Variants in CPNE1 observed in about 807,000 individuals in gnomAD.
CPNE1 encodes the protein copine 1.
Under a neutral mutation model 63.2 loss-of-function variants are expected in CPNE1, and 58 were observed. That is an observed-to-expected ratio of 0.92 (90% CI 0.74 to 1.14). The LOEUF is 1.14. Ranked by LOEUF, CPNE1 falls within the 50% of genes most tolerant of loss-of-function variation. The probability of loss-of-function intolerance (pLI) is 0.00; values close to 1 mark genes in which losing one functional copy is unlikely to be tolerated. For missense variants in CPNE1, 672 were observed against 661.7 expected (o/e 1.02, Z -0.17); for synonymous variants, 237 against 249.0 (o/e 0.95, Z 0.45).
chr20:35,634,049 C>A (rs2032336407), intron 1 of CPNE1, among the ~76,000 whole-genome samples: 1 of 150,710 alleles, frequency 6.6e-6, no homozygotes, highest in Non-Finnish European at 1.5e-5. Context: ...ATCACGAGGT[C>A]AGGAGATCGA....
intron 1 of CPNE1, among the ~76,000 whole-genome samples, chr20:35,655,591 T>A (rs1336496789): frequency 1.3e-5 from 2 of 152,010 alleles, no homozygotes; most frequent in African/African-American, 4.8e-5. Context: ...CTCAAAAAGT[T>A]CAAGAAAAAA....
chr20:35,632,380 C>A lies in CPNE1; in HGVS notation c.315G>T (p.Val105=), dbSNP rs753405228. The change falls in exon 4 of 16, where the codon GTG becomes GTT. Residue 105 remains valine, a synonymous_variant. Coordinates refer to ENST00000397443, the MANE Select transcript of CPNE1 (RefSeq NM_152925.3). Reference sequence around the variant, plus strand: ...AGGGGAGAGTCAGTACCTGGCTGGACACAATCTGGGGAAAAGCAGGGAAGG... The same window carrying A: ...AGGGGAGAGTCAGTACCTGGCTGGAAACAATCTGGGGAAAAGCAGGGAAGG... The part of the protein sequence containing the change: ...GGAECSLGQI[V]SSQVLTLPLM... The A allele has an allele frequency of 6.2e-7, 1 of 1,614,028 alleles. No homozygotes were observed. The highest frequency in any genetic ancestry group is 1.1e-5 in the South Asian group (1 of 91,076).
At position 35,630,783 on chromosome 20, in the gene CPNE1, G is replaced by C. The variant is rs773127444; in HGVS notation, c.1008C>G (p.Phe336Leu). ...VVQDYDSDKL[F>L]PAFGFGAQVP... Reference sequence around the variant, plus strand: ...CCTGGGCCCCAAATCCAAATGCAGGGAACAGCTTGTCTCTGTGGGAGGACA... The same window carrying C: ...CCTGGGCCCCAAATCCAAATGCAGGCAACAGCTTGTCTCTGTGGGAGGACA... The change falls in exon 12 of 16, where the codon TTC (phenylalanine) becomes TTG (leucine). Residue 336 changes from phenylalanine (F) to leucine (L), a missense_variant. By Grantham distance (22) the Phe-to-Leu change is conservative. Coordinates refer to ENST00000397443, the MANE Select transcript of CPNE1 (RefSeq NM_152925.3). The C allele has an allele frequency of 1.5e-5, 25 of 1,613,884 alleles. No homozygotes were observed. Among genetic ancestry groups the C allele is most frequent in the Admixed American group, 8.3e-5 (5 of 59,956 alleles).
At chr20:35,636,463 T>TA (rs534958969) in intron 1 of CPNE1, among the ~76,000 whole-genome samples, 281 of 152,316 alleles carry the variant, frequency 1.8e-3, no homozygotes, top group Middle Eastern at 3.4e-3. Flanking sequence ...GAATAGTGGC[T>TA]AAAAAACAAG....
At position 35,652,811 on chromosome 20, in the gene CPNE1, T is replaced by TTGGGCC. The variant is rs781305639; in HGVS notation, c.-1+11943_-1+11948dup. On this transcript the variant is annotated intron_variant, in intron 1 of 15. Coordinates refer to ENST00000397443, the MANE Select transcript of CPNE1 (RefSeq NM_152925.3). ...AAGCCAGGGGGACCACCAATATGGA[T>TTGGGCC]TGGGCCAGGGCCGGGGCCGGGGCCG... 308 of 1,589,976 alleles carry TTGGGCC rather than the reference T, an allele frequency of 1.9e-4. 1 individual carries two copies. The East Asian group carries it at 4.0e-3, about 21-fold the overall frequency.
At chr20:35,631,396 A>T in intron 8 of CPNE1, 42 bp from the exon 9 acceptor site, 1 of 1,609,094 alleles carries the variant, frequency 6.2e-7, no homozygotes, top group African/African-American at 1.3e-5. Flanking sequence ...TTCTCAGAGC[A>T]TCAGTCAAGG....
intron 1 of CPNE1, among the ~76,000 whole-genome samples, chr20:35,633,833 C>A (rs1321435893): frequency 6.6e-6 from 1 of 151,710 alleles, no homozygotes; most frequent in Non-Finnish European, 1.5e-5. Context: ...TTGGCGTGTG[C>A]CTATAATCCT....
rs1472769046 is a variant in CPNE1, at chr20:35,653,739, C to T, written c.-1+11021G>A. On this transcript the variant is annotated intron_variant, in intron 1 of 15. Transcript: ENST00000397443. ...CCTCTGGATTTAGTATCATTTCCCT[C>T]TGGTCATAGCTGAAGTTCTGCAGTC... 3 of 1,614,074 alleles carry T rather than the reference C, an allele frequency of 1.9e-6. No individual in the cohort carries two copies. In the African/African-American group the frequency reaches 4.0e-5, roughly 22 times the overall value.
intron 1 of CPNE1, among the ~76,000 whole-genome samples, chr20:35,640,409 C>A (rs1455263132): frequency 6.6e-6 from 1 of 152,036 alleles, no homozygotes; most frequent in Non-Finnish European, 1.5e-5. Context: ...TTTTTAGGAC[C>A]AAAATCTTCC....
At chr20:35,633,919 A>G (rs2146291608) in intron 1 of CPNE1, among the ~76,000 whole-genome samples, 1 of 125,870 alleles carries the variant, frequency 7.9e-6, no homozygotes, top group South Asian at 2.7e-4. Flanking sequence ...AGACTGTGCC[A>G]CTGTACTCCA....
chr20:35,664,398 G>A (rs1042786129), intron 1 of CPNE1: 2 of 152,270 alleles, frequency 1.3e-5, no homozygotes, highest in Non-Finnish European at 2.9e-5. Context: ...CTGCTTCACT[G>A]GGGGAGACAA....
intron 1 of CPNE1, among the ~76,000 whole-genome samples, chr20:35,659,213 T>G (rs1415987040): frequency 6.6e-6 from 1 of 151,760 alleles, no homozygotes; most frequent in Non-Finnish European, 1.5e-5. Context: ...CTTTCAAATT[T>G]GAGTATCTCA....
intron 1 of CPNE1, among the ~76,000 whole-genome samples, chr20:35,657,901 A>C (rs1425837153): frequency 6.6e-6 from 1 of 152,078 alleles, no homozygotes; most frequent in Non-Finnish European, 1.5e-5. Flanking sequence ...TCTCTACTAA[A>C]AACACAAAAA....
intron 1 of CPNE1, chr20:35,664,421 A>C (rs1424105620): frequency 6.6e-6 from 1 of 152,194 alleles, no homozygotes; most frequent in East Asian, 1.9e-4. Flanking sequence ...AATCCTCCGT[A>C]CTCGGGATGT....
At chr20:35,654,146 G>C (rs1260063096) in intron 1 of CPNE1, 1 of 1,614,210 alleles carries the variant, frequency 6.2e-7, no homozygotes, top group Admixed American at 1.7e-5. Flanking sequence ...CCCATATTTT[G>C]CTTAAAAGTG....
chr20:35,632,679 C>T lies in CPNE1; in HGVS notation c.147G>A (p.Arg49=), dbSNP rs775467873. The change falls in exon 3 of 16, where the codon CGG becomes CGA. Residue 49 remains arginine (R), a synonymous_variant. Coordinates refer to ENST00000397443, the MANE Select transcript of CPNE1 (RefSeq NM_152925.3). ...GSWAELGRTE[R]VRNCSSPEFS... is the part of the protein sequence containing the mutation. ...ACTCAGGGCTTGAGCAGTTCCGCAC[C>T]CGTTCAGTCCGGCCAAGCTGTGGGC... 1.8e-6 allele frequency: 2 copies of T among 1,091,400 alleles called. No homozygotes were observed. The highest frequency in any genetic ancestry group is 2.8e-6 in the Non-Finnish European group (2 of 702,138). The allele number at this position is 1,091,400 out of a possible 1,614,324, so 67.6% of individuals were successfully genotyped here. A position where few individuals can be genotyped will look rare whatever the true frequency, so the allele number is the denominator to read the frequency against.
chr20:35,646,289 A>C (rs986323960), intron 1 of CPNE1, among the ~76,000 whole-genome samples: 2 of 150,410 alleles, frequency 1.3e-5, no homozygotes, highest in African/African-American at 4.9e-5. Context: ...GAAACAAAAA[A>C]ACTATTTAAC....
At position 35,655,147 on chromosome 20, in the gene CPNE1, C is replaced by A. The variant is rs750472475; in HGVS notation, c.-1+9613G>T. 3.3e-5 allele frequency: 53 copies of A among 1,614,020 alleles called. No homozygotes were observed. The highest frequency in any genetic ancestry group is 5.3e-5 in the African/African-American group (4 of 74,898). On this transcript the variant is annotated intron_variant, in intron 1 of 15. Transcript: ENST00000397443. The stretch of plus-strand genomic sequence containing the variant: ...TGACCCTTTAATTGTACCACCTGTG[C>A]GCATCATACCAAGCCTTGCATCTTC...
chr20:35,661,139 C>T (rs6060542), intron 1 of CPNE1, among the ~76,000 whole-genome samples: 39,320 of 151,870 alleles, frequency 0.26, 5,866 homozygotes, highest in African/African-American at 0.43. Flanking sequence ...CAAGGAAAAC[C>T]ATGCAGAAAG....
Sources: gnomAD v4.1 joint callset for allele counts (sites outside exome capture counted in the v4.1 genomes callset) on GRCh38, gnomAD v4.1.1 for gene constraint, MANE v1.5 for transcripts, NCBI Gene and HGNC (gene_info 2026-07-23, HGNC 2026-07-21) for gene names.